The following FRYL variants were observed in gnomAD, a reference collection of about 807,000 sequenced individuals.
FRYL encodes FRY like transcription coactivator.
FRYL carries 150 observed loss-of-function variants against 351.2 expected under a neutral mutation model. The observed-to-expected ratio is 0.43, with a 90% CI of 0.37 to 0.49. The LOEUF (loss-of-function observed/expected upper bound fraction) is 0.49. Among genes scored for constraint, FRYL ranks in the 20% least tolerant of loss-of-function variants. FRYL has a pLI of 0.00. For missense variants in FRYL, 3,036 were observed against 3,619.3 expected (o/e 0.84, Z 4.13); for synonymous variants, 1,153 against 1,257.1 (o/e 0.92, Z 1.75).
rs1234396383 is a variant in FRYL, at chr4:48,510,965, C to T, written c.8165G>A (p.Gly2722Glu). The T allele has an allele frequency of 6.2e-7, 1 of 1,611,466 alleles. No individual in the cohort carries two copies. Among genetic ancestry groups the T allele is most frequent in the Non-Finnish European group, 8.5e-7 (1 of 1,178,990 alleles). The stretch of plus-strand genomic sequence containing the variant: ...GCTGACTGCCTCATTAGTTATTTCT[C>T]CAAACTTTCTTTGAATTGTCTATGG... ...RLFQTIQRKF[G>E]EITNEAVSFL... Residue 2722 changes from glycine (G) to glutamate (E), a missense_variant, in exon 58 of 64, where the codon GGA (glycine) becomes GAA (glutamate). Physicochemically the swap from Gly to Glu is moderately conservative, Grantham distance 98. Coordinates refer to ENST00000358350, the MANE Select transcript of FRYL (RefSeq NM_015030.2).
At position 48,510,871 on chromosome 4, in the gene FRYL, A is replaced by C. The variant is rs1290181183; in HGVS notation, c.8259T>G (p.Cys2753Trp). 1 of 1,613,396 alleles carries C rather than the reference A, an allele frequency of 6.2e-7. No homozygotes were observed. Among genetic ancestry groups the C allele is most frequent in the African/African-American group, 1.3e-5 (1 of 74,908 alleles). Residue 2753 changes from cysteine (C) to tryptophan (W), a missense_variant, in exon 58 of 64, where the codon TGT becomes TGG. Cys to Trp is a radical substitution (Grantham distance 215). Around this residue, in one of 7 missense-constraint regions of FRYL, gnomAD observed 1,987 missense variants for 2,311.7 expected, o/e 0.86. Coordinates refer to ENST00000358350, the MANE Select transcript of FRYL (RefSeq NM_015030.2). ...FKSSLEVMML[C>W]SECPTVFVDA... Reference sequence around the variant, plus strand: ...CCACAAAGACTGTTGGGCATTCTGAACACAGCATCATCACTTCCAAGGAAC... The same window carrying C: ...CCACAAAGACTGTTGGGCATTCTGACCACAGCATCATCACTTCCAAGGAAC...
chr4:48,578,970 T>C lies in FRYL; in HGVS notation c.2528+3A>G, dbSNP rs1406744708. ...TTAAATTTACACTAGGAAAATAACT[T>C]ACTTTATATCGACCTGAGGGGACAA... is the stretch of plus-strand genomic sequence containing the variant. On this transcript the variant is annotated splice_donor_region_variant and intron_variant, in intron 23 of 63. Transcript: ENST00000358350. 1.3e-6 allele frequency: 2 copies of C among 1,573,284 alleles called. No homozygotes were observed. The highest frequency in any genetic ancestry group is 4.0e-5 in the Admixed American group (2 of 49,750).
chr4:48,561,851 C>CA (rs926249665), intron 32 of FRYL, among the ~76,000 whole-genome samples: 5 of 151,872 alleles, frequency 3.3e-5, no homozygotes, highest in Non-Finnish European at 7.4e-5. Context: ...CTCATCTCTA[C>CA]AAAAAAATTA....
chr4:48,713,653 C>T (rs1327136929), intron 1 of FRYL, among the ~76,000 whole-genome samples: 3 of 152,106 alleles, frequency 2.0e-5, no homozygotes, highest in African/African-American at 4.8e-5. Flanking sequence ...GAGACTTAGA[C>T]TCCCACACAT....
At chr4:48,767,593 T>A (rs57253292) in intron 1 of FRYL, among the ~76,000 whole-genome samples, 3 of 152,242 alleles carry the variant, frequency 2.0e-5, no homozygotes, top group Non-Finnish European at 1.5e-5. Flanking sequence ...CTCACTAATA[T>A]ATGGAATCTA....
At chr4:48,620,505 T>G in intron 6 of FRYL, 134 bp downstream of exon 6, 1 of 866,828 alleles carries the variant, frequency 1.2e-6, no homozygotes, top group Non-Finnish European at 1.8e-6. Flanking sequence ...TCTCCCTTAC[T>G]ACCATCTTTG....
intron 27 of FRYL, among the ~76,000 whole-genome samples, chr4:48,570,626 G>A (rs1738072899): frequency 6.6e-6 from 1 of 152,094 alleles, no homozygotes; most frequent in Non-Finnish European, 1.5e-5. Flanking sequence ...ATCCAATTCT[G>A]GTAGTAGATT....
At chr4:48,500,682 G>A (rs969438488) in intron 62 of FRYL, among the ~76,000 whole-genome samples, 4 of 152,166 alleles carry the variant, frequency 2.6e-5, no homozygotes, top group Non-Finnish European at 4.4e-5. Context: ...ATTACCAGCA[G>A]ATGACAAGGG....
rs10049760 is a variant in FRYL at position 48,684,800 on chromosome 4, G to A, written c.-203-5C>T. The A allele has an allele frequency of 0.98, 149,863 of 152,318 alleles. 73,758 individuals carry two copies. The highest frequency in any genetic ancestry group is 1 in the East Asian group (5,184 of 5,184). 9.4% of individuals were successfully genotyped at this position (152,318 alleles called of 1,614,324 possible). On this transcript the variant is annotated splice_region_variant and splice_polypyrimidine_tract_variant and intron_variant, in intron 2 of 63. Coordinates refer to ENST00000358350, the MANE Select transcript of FRYL (RefSeq NM_015030.2). ...TACCAATAAATGGCTTCAGCTCTGAGGAAAAACAAAATACATTTACACGTT... is the reference window on the plus strand; with the variant it reads ...TACCAATAAATGGCTTCAGCTCTGAAGAAAAACAAAATACATTTACACGTT...
chr4:48,574,230 C>T (rs575654554), intron 25 of FRYL, among the ~76,000 whole-genome samples: 3 of 151,992 alleles, frequency 2.0e-5, no homozygotes, highest in South Asian at 2.1e-4. Flanking sequence ...AATCATGTAT[C>T]GAAAACTGCT....
chr4:48,702,857 T>C (rs1766921229), intron 2 of FRYL, among the ~76,000 whole-genome samples: 2 of 151,934 alleles, frequency 1.3e-5, no homozygotes, highest in Admixed American at 6.6e-5. Flanking sequence ...TAAACTATGA[T>C]AAATCTTAGA....
chr4:48,616,067 G>C (rs982510272), intron 7 of FRYL, among the ~76,000 whole-genome samples: 3 of 152,086 alleles, frequency 2.0e-5, no homozygotes, highest in African/African-American at 7.2e-5. Flanking sequence ...GGGGCCTCTC[G>C]GCGGGTGGGG....
intron 3 of FRYL, among the ~76,000 whole-genome samples, chr4:48,661,309 G>A (rs1265703049): frequency 6.6e-6 from 1 of 152,200 alleles, no homozygotes; most frequent in African/African-American, 2.4e-5. Context: ...CAAAGTATAT[G>A]ATCAAGGTTT....
chr4:48,561,727 C>T, intron 32 of FRYL, 91 bp from the exon 33 acceptor site: 2 of 1,028,884 alleles, frequency 1.9e-6, no homozygotes, highest in Non-Finnish European at 2.7e-6. Flanking sequence ...AAAAACTCTT[C>T]TCCCCAGCTG....
intron 11 of FRYL, among the ~76,000 whole-genome samples, chr4:48,604,882 C>G (rs1203910110): frequency 6.6e-6 from 1 of 151,932 alleles, no homozygotes; most frequent in Non-Finnish European, 1.5e-5. Flanking sequence ...TGACGAACTG[C>G]CTTAAAAACT....
At chr4:48,685,575 A>G (rs1356630649) in intron 2 of FRYL, among the ~76,000 whole-genome samples, 3 of 152,152 alleles carry the variant, frequency 2.0e-5, no homozygotes, top group Non-Finnish European at 4.4e-5. Context: ...AACATTTGGG[A>G]TGCATATTTT....
intron 11 of FRYL, among the ~76,000 whole-genome samples, chr4:48,605,138 T>C (rs1746507241): frequency 6.6e-6 from 1 of 152,208 alleles, no homozygotes; most frequent in African/African-American, 2.4e-5. Context: ...GCTGTGTAAC[T>C]CAAATAAACC....
At chr4:48,619,237 T>C (rs1430330766) in intron 7 of FRYL, 37 bp downstream of exon 7, 1 of 1,297,436 alleles carries the variant, frequency 7.7e-7, no homozygotes, top group Non-Finnish European at 1.1e-6. Flanking sequence ...AAGCAAAGAA[T>C]AAGGAATACA....
At chr4:48,744,553 C>A (rs1386645583) in intron 1 of FRYL, among the ~76,000 whole-genome samples, 1 of 151,896 alleles carries the variant, frequency 6.6e-6, no homozygotes, top group African/African-American at 2.4e-5. Flanking sequence ...GATTTTTTTT[C>A]TTTTTCTTAA....
Sources: allele counts gnomAD v4.1 joint callset (sites outside exome capture counted in the v4.1 genomes callset), GRCh38; gene constraint gnomAD v4.1.1; regional missense constraint gnomAD v4.1.1; transcripts MANE v1.5; gene names NCBI Gene and HGNC (gene_info 2026-07-23, HGNC 2026-07-21).